Variants in TRIO observed in about 807,000 individuals in gnomAD.
The protein encoded by TRIO is trio Rho guanine nucleotide exchange factor.
Under a neutral mutation model 351.9 loss-of-function variants are expected in TRIO, and 58 were observed. The ratio of observed to expected loss-of-function variants is 0.16; its 90% CI spans 0.13 to 0.21. The LOEUF (loss-of-function observed/expected upper bound fraction) is 0.21, where lower values mean the gene tolerates loss of function less well. TRIO is among the 10% of genes least tolerant of loss of function. The pLI is 1.00. For missense variants in TRIO, 3,201 were observed against 4,027.8 expected (o/e 0.79, Z 5.56); for synonymous variants, 1,758 against 1,595.7 (o/e 1.10, Z -2.42).
chr5:14,189,568 C>T (rs558823594), intron 1 of TRIO, among the ~76,000 whole-genome samples: 2 of 152,250 alleles, frequency 1.3e-5, no homozygotes, highest in East Asian at 1.9e-4. Flanking sequence ...ACATATATGA[C>T]CAAGGCACTG....
At position 14,397,991 on chromosome 5, in the gene TRIO, G is replaced by A. The variant is rs146742352; in HGVS notation, c.4423+837G>A. Among the ~76,000 whole-genome samples the A allele has an allele frequency of 3.9e-5, 6 of 152,314 alleles. No homozygotes were observed. The East Asian group carries it at 1.2e-3, about 29-fold the overall frequency. On this transcript the variant is annotated intron_variant, in intron 29 of 56. Coordinates refer to ENST00000344204, the MANE Select transcript of TRIO (RefSeq NM_007118.4). The stretch of plus-strand genomic sequence containing the variant: ...ATGCCAACATTCCATTTAGCAGGAA[G>A]TGGGGAAGAAAGTCAGGGAGGAAAC...
At chr5:14,217,230 G>C (rs1370138667) in intron 1 of TRIO, among the ~76,000 whole-genome samples, 1 of 152,192 alleles carries the variant, frequency 6.6e-6, no homozygotes, top group Non-Finnish European at 1.5e-5. Context: ...GAGAGCCACT[G>C]TACAGAATGT....
intron 8 of TRIO, among the ~76,000 whole-genome samples, chr5:14,305,808 G>A (rs1738314563): frequency 6.7e-6 from 1 of 150,076 alleles, no homozygotes; most frequent in African/African-American, 2.5e-5. Flanking sequence ...TCATAAAGAT[G>A]TTTTGGTCAG....
At position 14,364,641 on chromosome 5, in the gene TRIO, T is replaced by C. The variant is rs377210006; in HGVS notation, c.2588-9T>C. 178 of 1,605,158 alleles carry C rather than the reference T, an allele frequency of 1.1e-4. 2 individuals carry two copies. The highest frequency in any genetic ancestry group is 8.3e-4 in the Middle Eastern group (5 of 5,998). On this transcript the variant is annotated splice_polypyrimidine_tract_variant and intron_variant, in intron 14 of 56. Transcript: ENST00000344204. ...GCTGAATTCTAGGGTCTCCCTTTAA[T>C]GTCCACAGGTGTGGAGCTGCTGTGT... is the stretch of plus-strand genomic sequence containing the variant.
At chr5:14,474,628 A>G (rs1029343363) in intron 40 of TRIO, among the ~76,000 whole-genome samples, 1 of 152,232 alleles carries the variant, frequency 6.6e-6, no homozygotes, top group East Asian at 1.9e-4. Context: ...TTATCATTAG[A>G]GGACCTTGAA....
intron 1 of TRIO, among the ~76,000 whole-genome samples, chr5:14,267,619 C>G (rs1447436293): frequency 6.6e-6 from 1 of 152,164 alleles, no homozygotes; most frequent in Non-Finnish European, 1.5e-5. Flanking sequence ...TCCTAAATAG[C>G]TCTTCAGGGC....
intron 1 of TRIO, among the ~76,000 whole-genome samples, chr5:14,151,848 TTG>T (rs1240547070): frequency 6.6e-6 from 1 of 152,248 alleles, no homozygotes; most frequent in African/African-American, 2.4e-5. Context: ...ATTTTCTTAT[TTG>T]TGTTTACTTT....
At chr5:14,358,657 A>G (rs1259488296) in intron 12 of TRIO, among the ~76,000 whole-genome samples, 1 of 152,198 alleles carries the variant, frequency 6.6e-6, no homozygotes, top group Non-Finnish European at 1.5e-5. Context: ...TTCTTTATAA[A>G]CCAGATTAAT....
intron 11 of TRIO, among the ~76,000 whole-genome samples, chr5:14,352,463 A>G (rs1191965893): frequency 1.3e-5 from 2 of 152,234 alleles, no homozygotes; most frequent in African/African-American, 4.8e-5. Context: ...AGAATTTTAT[A>G]GGCATCCTAG....
chr5:14,340,176 C>T (rs888811326), intron 11 of TRIO, among the ~76,000 whole-genome samples: 1 of 152,020 alleles, frequency 6.6e-6, no homozygotes, highest in African/African-American at 2.4e-5. Context: ...AGTTGGATCA[C>T]GAGGTCAGGA....
At chr5:14,227,940 C>T (rs1793153461) in intron 1 of TRIO, among the ~76,000 whole-genome samples, 1 of 152,010 alleles carries the variant, frequency 6.6e-6, no homozygotes, top group Non-Finnish European at 1.5e-5. Context: ...TTGATATTCA[C>T]AGTGAGGACA....
At chr5:14,203,981 T>TA (rs1478851972) in intron 1 of TRIO, among the ~76,000 whole-genome samples, 2 of 152,242 alleles carry the variant, frequency 1.3e-5, no homozygotes, top group African/African-American at 2.4e-5. Flanking sequence ...CTGGTACTTT[T>TA]AAGTAAAGCA....
chr5:14,217,984 G>C (rs1482379816), intron 1 of TRIO, among the ~76,000 whole-genome samples: 2 of 152,208 alleles, frequency 1.3e-5, no homozygotes, highest in African/African-American at 4.8e-5. Flanking sequence ...GTAACTTTTT[G>C]AAAGAAGACT....
chr5:14,507,860 A>C lies in TRIO; in HGVS notation c.8752-20A>C. 6.2e-7 allele frequency: 1 copy of C among 1,602,686 alleles called. No homozygotes were observed. The highest frequency in any genetic ancestry group is 8.5e-7 in the Non-Finnish European group (1 of 1,174,096). ...TAAGATTGGATGGTCTGAAAATGACAGTTGTATTCTGATTTCCAGCCTGAG... is the reference window on the plus strand; with the variant it reads ...TAAGATTGGATGGTCTGAAAATGACCGTTGTATTCTGATTTCCAGCCTGAG... On this transcript the variant is annotated intron_variant, in intron 56 of 56. Coordinates refer to ENST00000344204, the MANE Select transcript of TRIO (RefSeq NM_007118.4).
intron 27 of TRIO, among the ~76,000 whole-genome samples, chr5:14,392,180 C>T (rs533596341): frequency 6.6e-6 from 1 of 151,772 alleles, no homozygotes; most frequent in East Asian, 1.9e-4. Context: ...TTTTTGCAGT[C>T]TAGCCATCTG....
intron 49 of TRIO, among the ~76,000 whole-genome samples, chr5:14,493,946 A>G (rs1445759135): frequency 1.3e-5 from 2 of 152,312 alleles, no homozygotes; most frequent in South Asian, 2.1e-4. Context: ...AACCCAGAAC[A>G]AGGCTCCATC....
At position 14,449,355 on chromosome 5, in the gene TRIO, G is replaced by C. The variant is rs529116531; in HGVS notation, c.5204-11664G>C. ...AGAAAGTCCCATGGAGGCGGCTTCC[G>C]TTAGCACTGGCATGTTCTGTTTGGT... On this transcript the variant is annotated intron_variant, in intron 34 of 56. Transcript: ENST00000344204. Among the ~76,000 whole-genome samples, 30 of 152,308 alleles carry C rather than the reference G, an allele frequency of 2.0e-4. No individual in the cohort carries two copies. The East Asian group carries it at 2.5e-3, about 13-fold the overall frequency.
chr5:14,368,638 C>T (rs1744805212), intron 16 of TRIO, 70 bp from the exon 17 acceptor site: 1 of 1,497,720 alleles, frequency 6.7e-7, no homozygotes, highest in Non-Finnish European at 9.1e-7. Context: ...GTAACTGTAG[C>T]CATCCTGGTT....
chr5:14,198,402 A>G (rs1790904012), intron 1 of TRIO, among the ~76,000 whole-genome samples: 1 of 152,214 alleles, frequency 6.6e-6, no homozygotes, highest in Non-Finnish European at 1.5e-5. Flanking sequence ...TAAGTATACA[A>G]TCAGAGTTTT....
Sources: gnomAD v4.1 joint callset for allele counts (sites outside exome capture counted in the v4.1 genomes callset) on GRCh38, gnomAD v4.1.1 for gene constraint, MANE v1.5 for transcripts, NCBI Gene and HGNC (gene_info 2026-07-23, HGNC 2026-07-21) for gene names.